The following MS4A4E variants were observed in gnomAD, a reference collection of about 807,000 sequenced individuals.
The protein encoded by MS4A4E is putative membrane-spanning 4-domains subfamily A member 4E.
MS4A4E carries 23 observed loss-of-function variants against 13.3 expected under a neutral mutation model. That is an observed-to-expected ratio of 1.73 (90% confidence interval 1.25 to 2.45). The LOEUF (loss-of-function observed/expected upper bound fraction) is 2.45, where lower values mean the gene tolerates loss of function less well. Among genes scored for constraint, MS4A4E ranks in the 30% most tolerant of loss-of-function variants. The pLI, the probability that MS4A4E is intolerant of heterozygous loss-of-function variation, is 0.00. For missense variants in MS4A4E, 144 were observed against 131.2 expected (o/e 1.10, Z -0.48); for synonymous variants, 36 against 45.6 (o/e 0.79, Z 0.85).
intron 3 of MS4A4E, among the ~76,000 whole-genome samples, chr11:60,215,943 T>C (rs1276712366): frequency 6.6e-6 from 1 of 152,188 alleles, no homozygotes; most frequent in East Asian, 1.9e-4. Flanking sequence ...GGATTTCATT[T>C]ACCACAGGAA....
intron 1 of MS4A4E, among the ~76,000 whole-genome samples, chr11:60,238,536 T>C (rs1340967641): frequency 1.3e-5 from 2 of 152,168 alleles, no homozygotes; most frequent in Non-Finnish European, 2.9e-5. Flanking sequence ...TTCCTGATTT[T>C]AGTGATTTCT....
intron 1 of MS4A4E, among the ~76,000 whole-genome samples, chr11:60,238,842 AT>A (rs2084514848): frequency 6.6e-6 from 1 of 152,218 alleles, no homozygotes; most frequent in Admixed American, 6.5e-5. Context: ...CAAAGAGCTA[AT>A]CCTACTGAAA....
intron 8 of MS4A4E, among the ~76,000 whole-genome samples, chr11:60,203,246 C>T (rs1018125376): frequency 2.0e-5 from 3 of 152,020 alleles, no homozygotes; most frequent in African/African-American, 7.2e-5. Flanking sequence ...TTATATGTCA[C>T]CTATCAGTAT....
rs897615830 is a variant in MS4A4E, at chr11:60,243,097, A to G, written c.-156T>C. On this transcript the variant is annotated 5_prime_UTR_variant, in exon 1 of 9. Transcript: ENST00000651255. ...CAGTTTAAATCTGCACTCCTTTTCT[A>G]GTAGATGTTTGGAACCTTAAAGGAT... The G allele has an allele frequency of 7.9e-6, 5 of 636,342 alleles. No homozygotes were observed. Among genetic ancestry groups the G allele is most frequent in the Non-Finnish European group, 1.3e-5 (5 of 390,288 alleles). 39.4% of individuals were successfully genotyped at this position (636,342 alleles called of 1,614,324 possible).
At chr11:60,229,462 G>A (rs1016212606) in intron 2 of MS4A4E, among the ~76,000 whole-genome samples, 3 of 152,006 alleles carry the variant, frequency 2.0e-5, no homozygotes, top group South Asian at 2.1e-4. Context: ...TTTTAGACAC[G>A]TTCGCCTGAG....
intron 3 of MS4A4E, among the ~76,000 whole-genome samples, chr11:60,224,420 T>C (rs1328039629): frequency 1.3e-5 from 2 of 152,230 alleles, no homozygotes; most frequent in African/African-American, 2.4e-5. Context: ...TAAACCATCA[T>C]TTTCTTCAGT....
chr11:60,233,465 T>C (rs543182997), intron 1 of MS4A4E, among the ~76,000 whole-genome samples: 1 of 152,330 alleles, frequency 6.6e-6, no homozygotes, highest in South Asian at 2.1e-4. Context: ...GTTACAGCCT[T>C]AGCTTTGTGG....
At chr11:60,204,751 A>G (rs1245722230) in intron 8 of MS4A4E, among the ~76,000 whole-genome samples, 139 bp downstream of exon 8, 2 of 152,240 alleles carry the variant, frequency 1.3e-5, no homozygotes, top group Non-Finnish European at 2.9e-5. Context: ...GTATGCCAGT[A>G]ATAAAGTAGG....
At chr11:60,220,495 T>C (rs2084256779) in intron 3 of MS4A4E, among the ~76,000 whole-genome samples, 1 of 152,218 alleles carries the variant, frequency 6.6e-6, no homozygotes, top group African/African-American at 2.4e-5. Flanking sequence ...TCTGGCTTTG[T>C]GTCATGACCT....
intron 1 of MS4A4E, among the ~76,000 whole-genome samples, chr11:60,238,040 T>C (rs962968326): frequency 2.6e-5 from 4 of 151,880 alleles, no homozygotes; most frequent in Non-Finnish European, 5.9e-5. Flanking sequence ...GACTTTGTCC[T>C]CATATATAAT....
At chr11:60,224,490 G>A (rs2084316453) in intron 3 of MS4A4E, among the ~76,000 whole-genome samples, 1 of 152,192 alleles carries the variant, frequency 6.6e-6, no homozygotes. Context: ...ATCTTAATCA[G>A]TCTAAGCCAG....
chr11:60,237,576 T>C (rs1205157144), intron 1 of MS4A4E, among the ~76,000 whole-genome samples: 1 of 152,204 alleles, frequency 6.6e-6, no homozygotes, highest in Non-Finnish European at 1.5e-5. Context: ...TGTATTAATA[T>C]TTCTTTTTCT....
rs532837421 is a variant in MS4A4E, at chr11:60,228,738, T to C, written c.145-111A>G. 5.6e-6 allele frequency: 3 copies of C among 531,782 alleles called. No individual in the cohort carries two copies. In the South Asian group the frequency reaches 9.8e-5, roughly 17 times the overall value. The allele number at this position is 531,782 out of a possible 1,614,324, so 32.9% of individuals were successfully genotyped here. A position where few individuals can be genotyped will look rare whatever the true frequency, so the allele number is the denominator to read the frequency against. Reference sequence around the variant, plus strand: ...AATAAACTGTGGTACCTCTAGACAATGAAATATTATTCAGTACTAAAAATA... The same window carrying C: ...AATAAACTGTGGTACCTCTAGACAACGAAATATTATTCAGTACTAAAAATA... On this transcript the variant is annotated intron_variant, in intron 2 of 8. Transcript: ENST00000651255.
chr11:60,213,298 C>A, intron 4 of MS4A4E, 166 bp from the exon 5 acceptor site: 1 of 1,535,120 alleles, frequency 6.5e-7, no homozygotes, highest in Non-Finnish European at 8.7e-7. Flanking sequence ...AAATATGATC[C>A]CATTATTCTC....
chr11:60,226,227 T>C (rs896885655), intron 3 of MS4A4E, among the ~76,000 whole-genome samples: 4 of 151,766 alleles, frequency 2.6e-5, no homozygotes, highest in Non-Finnish European at 5.9e-5. Flanking sequence ...GAAAATGAAA[T>C]TATACCAATT....
At chr11:60,213,909 T>A (rs1056604769) in intron 4 of MS4A4E, among the ~76,000 whole-genome samples, 1 of 152,124 alleles carries the variant, frequency 6.6e-6, no homozygotes, top group Admixed American at 6.5e-5. Context: ...AATCTACTTT[T>A]TTTTTTTCCT....
chr11:60,242,998 T>A lies in MS4A4E; in HGVS notation c.-57A>T. The stretch of plus-strand genomic sequence containing the variant: ...CAATGTCTGCTGCAGGTCTGATGAG[T>A]GCAGGGCTCTGGGCAAGTTCCTCAA... On this transcript the variant is annotated 5_prime_UTR_variant, in exon 1 of 9. Coordinates refer to ENST00000651255, the MANE Select transcript of MS4A4E (RefSeq NM_001393391.1). The A allele has an allele frequency of 6.4e-7, 1 of 1,567,468 alleles. No individual in the cohort carries two copies. The highest frequency in any genetic ancestry group is 1.1e-5 in the South Asian group (1 of 87,264).
chr11:60,214,950 CA>C (rs1372067427), intron 3 of MS4A4E, among the ~76,000 whole-genome samples: 1 of 151,828 alleles, frequency 6.6e-6, no homozygotes, highest in East Asian at 1.9e-4. Flanking sequence ...ATACAATAAA[CA>C]AAAAATGTAC....
At chr11:60,228,087 A>G (rs1311259059) in intron 3 of MS4A4E, among the ~76,000 whole-genome samples, 2 of 152,210 alleles carry the variant, frequency 1.3e-5, no homozygotes, top group East Asian at 3.8e-4. Context: ...GAAATACCGA[A>G]TTAATCATCT....
Sources: gnomAD v4.1 joint callset for allele counts (sites outside exome capture counted in the v4.1 genomes callset) on GRCh38, gnomAD v4.1.1 for gene constraint, MANE v1.5 for transcripts, NCBI Gene and HGNC (gene_info 2026-07-23, HGNC 2026-07-21) for gene names.